The following CSMD1 variants were observed in gnomAD, a reference collection of about 807,000 sequenced individuals.
The protein encoded by CSMD1 is CUB and Sushi multiple domains 1.
Under a neutral mutation model 417.5 loss-of-function variants are expected in CSMD1, and 213 were observed. The ratio of observed to expected loss-of-function variants is 0.51; its 90% confidence interval spans 0.46 to 0.57. The LOEUF (loss-of-function observed/expected upper bound fraction) is 0.57. Among genes scored for constraint, CSMD1 ranks in the 20% least tolerant of loss-of-function variants. CSMD1 has a pLI of 0.00. For synonymous variants in CSMD1, 2,862 were observed against 1,736.8 expected (o/e 1.65, Z -16.11); for missense variants, 6,923 against 4,529.7 (o/e 1.53, Z -15.17).
At chr8:3,465,016 A>G (rs1304065744) in intron 12 of CSMD1, among the ~76,000 whole-genome samples, 2 of 152,304 alleles carry the variant, frequency 1.3e-5, no homozygotes, top group East Asian at 1.9e-4. Flanking sequence ...ACACATGCTC[A>G]TAAGTATGAA....
intron 5 of CSMD1, among the ~76,000 whole-genome samples, chr8:3,797,728 C>G (rs1349649898): frequency 6.6e-6 from 1 of 151,864 alleles, no homozygotes; most frequent in African/African-American, 2.4e-5. Context: ...TATACATATT[C>G]TTATACAAAA....
chr8:4,528,701 A>C (rs997776466), intron 2 of CSMD1, among the ~76,000 whole-genome samples: 8 of 152,252 alleles, frequency 5.3e-5, no homozygotes, highest in Non-Finnish European at 4.4e-5. Context: ...GTATATATTA[A>C]TTATGTACAG....
In CSMD1 at chr8:3,390,670, A is replaced by G. The variant is rs542781666; in HGVS notation, c.2594-2988T>C. 3.0e-4 allele frequency among the ~76,000 whole-genome samples: 46 copies of G among 151,702 alleles called. 1 individual carries two copies. The highest frequency in any genetic ancestry group is 6.8e-3 in the Middle Eastern group (2 of 294). The stretch of plus-strand genomic sequence containing the variant: ...TACAAACATTACTTTTTTTTTTTCA[A>G]TTGGTCTTTGCAAAATAAGTGACTG... On this transcript the variant is annotated intron_variant, in intron 17 of 69. Transcript: ENST00000635120.
chr8:3,888,934 T>C (rs1806754411), intron 5 of CSMD1, among the ~76,000 whole-genome samples: 1 of 152,202 alleles, frequency 6.6e-6, no homozygotes, highest in African/African-American at 2.4e-5. Flanking sequence ...CCATTTAGGT[T>C]TATGTGAAGA....
chr8:3,271,757 G>A (rs1801873849), intron 26 of CSMD1, among the ~76,000 whole-genome samples: 1 of 152,000 alleles, frequency 6.6e-6, no homozygotes, highest in Non-Finnish European at 1.5e-5. Context: ...CATGTCCTTT[G>A]CCCACTTTTT....
chr8:4,650,507 T>C (rs1279288233), intron 1 of CSMD1, among the ~76,000 whole-genome samples: 1 of 152,240 alleles, frequency 6.6e-6, no homozygotes, highest in African/African-American at 2.4e-5. Flanking sequence ...AAGCCCTGGC[T>C]TCTGCCTCTT....
intron 23 of CSMD1, among the ~76,000 whole-genome samples, chr8:3,330,018 G>C (rs1308538745): frequency 6.6e-6 from 1 of 152,170 alleles, no homozygotes; most frequent in Non-Finnish European, 1.5e-5. Context: ...GTTTTGTGTG[G>C]AGGAATGGAC....
chr8:3,663,457 G>C (rs778486948), intron 7 of CSMD1, among the ~76,000 whole-genome samples: 1 of 152,078 alleles, frequency 6.6e-6, no homozygotes, highest in Non-Finnish European at 1.5e-5. Context: ...ACATCGATTT[G>C]ATAGCCATAG....
intron 4 of CSMD1, among the ~76,000 whole-genome samples, chr8:4,007,122 G>A (rs1158537407): frequency 2.0e-5 from 3 of 152,042 alleles, no homozygotes; most frequent in Non-Finnish European, 4.4e-5. Context: ...ACAGGTGTCA[G>A]CCACCGAGCC....
chr8:4,689,490 G>A (rs375104058), intron 1 of CSMD1, among the ~76,000 whole-genome samples: 1 of 152,138 alleles, frequency 6.6e-6, no homozygotes. Flanking sequence ...TTTTCTTTAT[G>A]ACGTATTTCT....
intron 2 of CSMD1, among the ~76,000 whole-genome samples, chr8:4,460,281 T>A (rs989479352): frequency 6.6e-6 from 1 of 152,060 alleles, no homozygotes; most frequent in Non-Finnish European, 1.5e-5. Flanking sequence ...TTAAAAATAA[T>A]ATGAACGAAA....
intron 3 of CSMD1, among the ~76,000 whole-genome samples, chr8:4,155,027 C>T (rs542956746): frequency 3.3e-5 from 5 of 152,326 alleles, no homozygotes; most frequent in African/African-American, 1.2e-4. Context: ...AACCTCATCA[C>T]AGAACCTAAC....
At chr8:4,273,270 T>G (rs939610987) in intron 3 of CSMD1, among the ~76,000 whole-genome samples, 3 of 152,160 alleles carry the variant, frequency 2.0e-5, no homozygotes, top group Admixed American at 6.6e-5. Context: ...TTGTATTAGT[T>G]CACAAATGAA....
chr8:4,512,021 C>T (rs1802849026), intron 2 of CSMD1, among the ~76,000 whole-genome samples: 1 of 152,144 alleles, frequency 6.6e-6, no homozygotes, highest in Non-Finnish European at 1.5e-5. Flanking sequence ...TTCTCATGGA[C>T]ATGGTTGCAA....
At chr8:3,822,938 C>T (rs1174196536) in intron 5 of CSMD1, among the ~76,000 whole-genome samples, 1 of 152,108 alleles carries the variant, frequency 6.6e-6, no homozygotes, top group Non-Finnish European at 1.5e-5. Flanking sequence ...GGTATTCTAT[C>T]CCTGGGCTAA....
At chr8:3,809,015 G>C (rs1381974242) in intron 5 of CSMD1, among the ~76,000 whole-genome samples, 1 of 152,164 alleles carries the variant, frequency 6.6e-6, no homozygotes, top group Non-Finnish European at 1.5e-5. Flanking sequence ...ATGATTCAAG[G>C]ATGCTGGAAG....
intron 30 of CSMD1, among the ~76,000 whole-genome samples, chr8:3,209,001 A>G (rs1021698223): frequency 3.9e-5 from 6 of 152,128 alleles, no homozygotes; most frequent in Non-Finnish European, 8.8e-5. Context: ...CCTCTAGAGA[A>G]CTCTAATACA....
chr8:3,031,610 C>A (rs620810), intron 50 of CSMD1, among the ~76,000 whole-genome samples: 1 of 151,946 alleles, frequency 6.6e-6, no homozygotes, highest in Admixed American at 6.6e-5. Flanking sequence ...ATATGGCCCA[C>A]GCTGGTCCTG....
intron 6 of CSMD1, among the ~76,000 whole-genome samples, chr8:3,753,255 T>C (rs993455309): frequency 8.4e-4 from 128 of 152,374 alleles, no homozygotes; most frequent in African/African-American, 3.0e-3. Context: ...CGAAGTGGAA[T>C]GGTTTTTAGG....
Sources: allele counts gnomAD v4.1 joint callset (sites outside exome capture counted in the v4.1 genomes callset), GRCh38; gene constraint gnomAD v4.1.1; transcripts MANE v1.5; gene names NCBI Gene and HGNC (gene_info 2026-07-23, HGNC 2026-07-21).